The following LHFPL1 variants were observed in gnomAD, a reference collection of about 807,000 sequenced individuals.
The protein encoded by LHFPL1 is LHFPL tetraspan subfamily member 1 protein.
Under a neutral mutation model 12.1 loss-of-function variants are expected in LHFPL1, and 4 were observed. The observed-to-expected ratio is 0.33, with a 90% CI of 0.16 to 0.76. The LOEUF is 0.76. Among genes scored for constraint, LHFPL1 ranks in the 30% least tolerant of loss-of-function variants. The pLI is 0.61. For synonymous variants in LHFPL1, 52 were observed against 61.9 expected, an observed-to-expected ratio of 0.84 and a Z score of 0.75; for missense variants, 141 against 174.1, an observed-to-expected ratio of 0.81 and a Z score of 1.07.
intron 1 of LHFPL1, among the ~76,000 whole-genome samples, chrX:112,672,860 TAATG>T (rs1236530911): frequency 1.8e-5 from 2 of 112,347 alleles, no homozygotes; most frequent in Non-Finnish European, 3.8e-5. Flanking sequence ...GTAGGGAACT[TAATG>T]AATCATTTAA....
chrX:112,677,934 G>A (rs758281875), intron 1 of LHFPL1, among the ~76,000 whole-genome samples: 1 of 109,701 alleles, frequency 9.1e-6, no homozygotes, highest in African/African-American at 3.3e-5. Context: ...TCCTTTTTTA[G>A]TTTGGGGTAG....
rs758916032 is a variant in LHFPL1 at position 112,643,395 on chromosome X, A to G, written c.482-11794T>C. 4.2e-3 allele frequency among the ~76,000 whole-genome samples: 456 copies of G among 109,186 alleles called. 2 individuals are homozygous for G. Among genetic ancestry groups the G allele is most frequent in the African/African-American group, 0.013 (401 of 29,937 alleles). 94.8% of individuals were successfully genotyped at this position (109,186 alleles called of 115,157 possible). A position where few individuals can be genotyped will look rare whatever the true frequency, so the allele number is the denominator to read the frequency against. Reference sequence around the variant, plus strand: ...CTCCGTCTCAAAAAAAAAAAAAAAAAAAAAGAAAAAGAGGTTTACTTGACT... The same window carrying G: ...CTCCGTCTCAAAAAAAAAAAAAAAAGAAAAGAAAAAGAGGTTTACTTGACT... On this transcript the variant is annotated intron_variant, in intron 3 of 3. Coordinates refer to ENST00000371968, the MANE Select transcript of LHFPL1 (RefSeq NM_178175.4).
intron 3 of LHFPL1, among the ~76,000 whole-genome samples, chrX:112,637,658 T>C (rs1930382676): frequency 1.8e-5 from 2 of 112,259 alleles, no homozygotes; most frequent in Admixed American, 1.9e-4. Context: ...GAGGTAAGTC[T>C]GTCTTTTGAG....
chrX:112,632,126 C>T (rs1180370750), intron 3 of LHFPL1, among the ~76,000 whole-genome samples: 1 of 111,384 alleles, frequency 9.0e-6, no homozygotes, highest in Non-Finnish European at 1.9e-5. Context: ...CACTTTGAAC[C>T]ACAGTGATAG....
At chrX:112,638,129 G>A (rs1930397060) in intron 3 of LHFPL1, among the ~76,000 whole-genome samples, 1 of 111,867 alleles carries the variant, frequency 8.9e-6, no homozygotes, top group African/African-American at 3.3e-5. Flanking sequence ...AAGACTGGAG[G>A]GTGTTTCAGG....
At chrX:112,675,938 T>G (rs1255777703) in intron 1 of LHFPL1, among the ~76,000 whole-genome samples, 2 of 112,424 alleles carry the variant, frequency 1.8e-5, no homozygotes, top group African/African-American at 6.5e-5. Flanking sequence ...ATCATCGACT[T>G]GACTTGAACG....
At chrX:112,660,826 G>A in intron 2 of LHFPL1, 101 bp from the exon 3 acceptor site, 1 of 559,943 alleles carries the variant, frequency 1.8e-6, no homozygotes, top group Non-Finnish European at 2.9e-6. Context: ...CTCCTCAACT[G>A]AGCTTACACT....
intron 3 of LHFPL1, among the ~76,000 whole-genome samples, chrX:112,650,105 C>A (rs1269355786): frequency 2.7e-5 from 3 of 111,057 alleles, no homozygotes; most frequent in African/African-American, 9.8e-5. Context: ...TTTTGAAAAT[C>A]TCATCAAAGT....
At chrX:112,637,410 G>A (rs1260020675) in intron 3 of LHFPL1, among the ~76,000 whole-genome samples, 2 of 111,751 alleles carry the variant, frequency 1.8e-5, no homozygotes, top group Non-Finnish European at 3.8e-5. Flanking sequence ...AATGGGTCAT[G>A]ATGAGCTATG....
chrX:112,652,729 G>A (rs1033177289), intron 3 of LHFPL1, among the ~76,000 whole-genome samples: 1 of 111,698 alleles, frequency 9.0e-6, no homozygotes, highest in Non-Finnish European at 1.9e-5. Flanking sequence ...ATAAAGGAGG[G>A]AGCTGCCTCA....
intron 3 of LHFPL1, among the ~76,000 whole-genome samples, chrX:112,631,926 A>G (rs1043395408): frequency 8.9e-6 from 1 of 111,790 alleles, no homozygotes; most frequent in African/African-American, 3.3e-5. Context: ...GCATTATGCT[A>G]AGCTCTTTAA....
At chrX:112,677,898 C>T (rs73221878) in intron 1 of LHFPL1, among the ~76,000 whole-genome samples, 1,703 of 110,775 alleles carry the variant, frequency 0.015, 10 homozygotes, top group Non-Finnish European at 0.021. Context: ...TGCTGAACTT[C>T]TTTCTGGGCC....
At chrX:112,632,008 C>T (rs1030287368) in intron 3 of LHFPL1, among the ~76,000 whole-genome samples, 9 of 111,242 alleles carry the variant, frequency 8.1e-5, no homozygotes, top group African/African-American at 2.0e-4. Context: ...TTACAAAGGA[C>T]GAAGCAACTG....
At chrX:112,643,961 C>T (rs995687563) in intron 3 of LHFPL1, among the ~76,000 whole-genome samples, 5 of 112,042 alleles carry the variant, frequency 4.5e-5, no homozygotes, top group African/African-American at 1.6e-4. Flanking sequence ...CCAACTACCT[C>T]CTCACAGAGC....
chrX:112,678,100 A>C (rs755615881), intron 1 of LHFPL1, among the ~76,000 whole-genome samples: 5 of 111,409 alleles, frequency 4.5e-5, no homozygotes, highest in Admixed American at 1.9e-4. Flanking sequence ...TAACTTTGAA[A>C]TGATCAACTC....
chrX:112,665,983 T>A (rs1291986187), intron 2 of LHFPL1, among the ~76,000 whole-genome samples: 2 of 112,148 alleles, frequency 1.8e-5, no homozygotes, highest in Non-Finnish European at 3.8e-5. Flanking sequence ...CTTTGTCTTC[T>A]GGCAGGGATA....
At chrX:112,635,950 A>G (rs1445189731) in intron 3 of LHFPL1, among the ~76,000 whole-genome samples, 1 of 111,819 alleles carries the variant, frequency 8.9e-6, no homozygotes, top group Non-Finnish European at 1.9e-5. Context: ...GTGTGAAACA[A>G]TGGAAAGTTT....
chrX:112,652,274 C>T (rs1267781443), intron 3 of LHFPL1, among the ~76,000 whole-genome samples: 2 of 112,115 alleles, frequency 1.8e-5, no homozygotes, highest in African/African-American at 3.2e-5. Context: ...TTATAACCAC[C>T]GAAGTTCCTT....
chrX:112,636,691 A>G (rs1930349565), intron 3 of LHFPL1, among the ~76,000 whole-genome samples: 1 of 111,992 alleles, frequency 8.9e-6, no homozygotes, highest in African/African-American at 3.2e-5. Flanking sequence ...CAGGATAAAT[A>G]TTTGAATAAA....
Sources: gnomAD v4.1 joint callset for allele counts (sites outside exome capture counted in the v4.1 genomes callset) on GRCh38, gnomAD v4.1.1 for gene constraint, MANE v1.5 for transcripts, NCBI Gene and HGNC (gene_info 2026-07-23, HGNC 2026-07-21) for gene names.